MAF: variants seen among roughly 807,000 people sequenced by gnomAD.
The protein encoded by MAF is transcription factor Maf.
Under a neutral mutation model 22.0 loss-of-function variants are expected in MAF, and 10 were observed. The observed-to-expected ratio is 0.45, with a 90% CI of 0.28 to 0.77. The LOEUF (loss-of-function observed/expected upper bound fraction) is 0.77, where lower values mean the gene tolerates loss of function less well. Among genes scored for constraint, MAF ranks in the 30% least tolerant of loss-of-function variants. The pLI is 0.12. For synonymous variants in MAF, 337 were observed against 255.8 expected, an observed-to-expected ratio of 1.32 and a Z score of -3.03; for missense variants, 544 against 548.4, an observed-to-expected ratio of 0.99 and a Z score of 0.08.
the MAF span, among the ~76,000 whole-genome samples, chr16:79,404,368 T>G: frequency 6.6e-6 from 1 of 152,166 alleles, no homozygotes; most frequent in Non-Finnish European, 1.5e-5. Flanking sequence ...TTCACCATGT[T>G]GGCCAGGATA....
the MAF span, among the ~76,000 whole-genome samples, chr16:79,534,898 C>A: frequency 1.3e-5 from 2 of 152,202 alleles, no homozygotes; most frequent in Admixed American, 1.3e-4. Flanking sequence ...TGTGGGCCAA[C>A]CGCTTCATCT....
the MAF span, among the ~76,000 whole-genome samples, chr16:79,329,423 C>A: frequency 6.6e-6 from 1 of 152,138 alleles, no homozygotes; most frequent in Admixed American, 6.5e-5. Flanking sequence ...ACACCGGTAT[C>A]TGGTAATTTT....
the MAF span, among the ~76,000 whole-genome samples, chr16:79,259,523 GC>G: frequency 1.3e-5 from 2 of 152,154 alleles, no homozygotes; most frequent in African/African-American, 2.4e-5. Flanking sequence ...GTCCTTCATG[GC>G]CACACACATC....
the MAF span, among the ~76,000 whole-genome samples, chr16:79,315,370 T>C: frequency 6.6e-6 from 1 of 152,168 alleles, no homozygotes; most frequent in East Asian, 1.9e-4. Context: ...TAAAAAATAT[T>C]TTACTAATGC....
chr16:79,272,482 T>C, the MAF span, among the ~76,000 whole-genome samples: 1 of 151,920 alleles, frequency 6.6e-6, no homozygotes, highest in African/African-American at 2.4e-5. Context: ...GGTGGGAGCT[T>C]TCATCTCTGC....
the MAF span, among the ~76,000 whole-genome samples, chr16:79,370,737 G>T: frequency 6.6e-6 from 1 of 152,120 alleles, no homozygotes; most frequent in African/African-American, 2.4e-5. Flanking sequence ...CTCCGTCTCT[G>T]TTGTTACCTG....
At chr16:79,439,257 C>CTTTTTTTTTTTTTTT in the MAF span, among the ~76,000 whole-genome samples, 3 of 130,804 alleles carry the variant, frequency 2.3e-5, 1 homozygote, top group Non-Finnish European at 1.6e-5. Context: ...TAGGTACTTA[C>CTTTTTTTTTTTTTTT]TTTTTTTTTT....
chr16:79,272,699 TGTCC>T, the MAF span, among the ~76,000 whole-genome samples: 1 of 152,184 alleles, frequency 6.6e-6, no homozygotes, highest in Non-Finnish European at 1.5e-5. Flanking sequence ...TTCATTCATT[TGTCC>T]ATTCATTCAT....
chr16:79,348,626 C>G, the MAF span, among the ~76,000 whole-genome samples: 1 of 152,214 alleles, frequency 6.6e-6, no homozygotes, highest in Non-Finnish European at 1.5e-5. Flanking sequence ...ATCATCATAT[C>G]AGGCCAAACT....
chr16:79,356,388 A>T, the MAF span, among the ~76,000 whole-genome samples: 1 of 152,188 alleles, frequency 6.6e-6, no homozygotes, highest in African/African-American at 2.4e-5. Flanking sequence ...GGTTTTGTTG[A>T]AACCAATGCA....
the MAF span, among the ~76,000 whole-genome samples, chr16:79,353,362 C>A: frequency 1.3e-5 from 2 of 152,172 alleles, no homozygotes; most frequent in African/African-American, 4.8e-5. Flanking sequence ...CTGCGAAGCT[C>A]AAGTGATCCG....
chr16:79,211,105 C>T, the MAF span, among the ~76,000 whole-genome samples: 16 of 151,406 alleles, frequency 1.1e-4, no homozygotes, highest in African/African-American at 1.9e-4. Context: ...CTAGCAGCAC[C>T]GTGGGCAAAG....
the MAF span, among the ~76,000 whole-genome samples, chr16:79,272,399 T>C: frequency 6.6e-6 from 1 of 152,216 alleles, no homozygotes; most frequent in Non-Finnish European, 1.5e-5. Flanking sequence ...GCGGGTCGCC[T>C]GCTCCTGGGC....
chr16:79,481,928 A>C, the MAF span, among the ~76,000 whole-genome samples: 6 of 152,306 alleles, frequency 3.9e-5, no homozygotes, highest in East Asian at 1.2e-3. Flanking sequence ...CGACCTGCTC[A>C]GACTTAGAGA....
the MAF span, among the ~76,000 whole-genome samples, chr16:79,290,017 C>T: frequency 6.6e-6 from 1 of 151,896 alleles, no homozygotes; most frequent in Non-Finnish European, 1.5e-5. Context: ...CCACCACGCC[C>T]AACTAATTTT....
At chr16:79,249,223 C>T in the MAF span, among the ~76,000 whole-genome samples, 6 of 152,034 alleles carry the variant, frequency 3.9e-5, no homozygotes, top group Admixed American at 3.3e-4. Flanking sequence ...AGTTCGAGAC[C>T]AGCCTGACCA....
chr16:79,497,057 C>T, the MAF span, among the ~76,000 whole-genome samples: 1 of 152,100 alleles, frequency 6.6e-6, no homozygotes, highest in Non-Finnish European at 1.5e-5. Flanking sequence ...CATCTTTTCT[C>T]CATCTCCCAA....
chr16:79,570,659 C>T, the MAF span, among the ~76,000 whole-genome samples: 9 of 152,158 alleles, frequency 5.9e-5, no homozygotes, highest in African/African-American at 1.4e-4. Context: ...GATAAGGAAA[C>T]GGGCTCTGAT....
chr16:79,478,539 G>C, the MAF span, among the ~76,000 whole-genome samples: 1 of 152,140 alleles, frequency 6.6e-6, no homozygotes, highest in African/African-American at 2.4e-5. Context: ...ACCCCTGTGA[G>C]AGTCTATTTT....
Sources: allele counts gnomAD v4.1 joint callset (sites outside exome capture counted in the v4.1 genomes callset), GRCh38; gene constraint gnomAD v4.1.1; transcripts MANE v1.5; gene names NCBI Gene and HGNC (gene_info 2026-07-23, HGNC 2026-07-21).